ALMS1: variants seen among roughly 807,000 people sequenced by gnomAD.
The protein encoded by ALMS1 is centrosome-associated protein ALMS1.
In ALMS1, 271 loss-of-function variants were observed where a neutral mutation model predicts 352.2. The observed-to-expected ratio is 0.77, with a 90% CI of 0.70 to 0.85. The LOEUF (loss-of-function observed/expected upper bound fraction) is 0.85, where lower values mean the gene tolerates loss of function less well. Ranked by LOEUF, ALMS1 falls within the 40% of genes least tolerant of loss-of-function variation. ALMS1 has a pLI of 0.00. For synonymous variants in ALMS1, 1,865 were observed against 1,761.2 expected (o/e 1.06, Z -1.48); for missense variants, 5,445 against 4,870.7 (o/e 1.12, Z -3.51).
intron 2 of ALMS1, among the ~76,000 whole-genome samples, chr2:73,417,961 G>A (rs1881244): frequency 0.26 from 39,452 of 152,162 alleles, 11,523 homozygotes; most frequent in African/African-American, 0.72. Flanking sequence ...CTGTCAAGAG[G>A]TAAGTATAGA....
chr2:73,479,403 C>A (rs1392504118), intron 9 of ALMS1, among the ~76,000 whole-genome samples: 3 of 152,160 alleles, frequency 2.0e-5, no homozygotes, highest in Non-Finnish European at 4.4e-5. Flanking sequence ...GAGCTCCTGG[C>A]AACCACTAAT....
At chr2:73,519,469 T>A (rs1673627022) in intron 10 of ALMS1, among the ~76,000 whole-genome samples, 1 of 152,210 alleles carries the variant, frequency 6.6e-6, no homozygotes, top group Non-Finnish European at 1.5e-5. Flanking sequence ...ATGGTGGACA[T>A]CTAGTAATTT....
intron 12 of ALMS1, among the ~76,000 whole-genome samples, chr2:73,549,749 G>T (rs781462079): frequency 2.0e-5 from 3 of 152,060 alleles, no homozygotes; most frequent in Non-Finnish European, 2.9e-5. Flanking sequence ...TTGCATCTCT[G>T]CCTTGTATTA....
chr2:73,592,795 G>A (rs1675460268), intron 16 of ALMS1, among the ~76,000 whole-genome samples: 1 of 152,054 alleles, frequency 6.6e-6, no homozygotes, highest in Admixed American at 6.6e-5. Context: ...AATAAATACG[G>A]GAATGAGTCT....
intron 7 of ALMS1, among the ~76,000 whole-genome samples, chr2:73,445,640 G>A (rs1671797247): frequency 5.8e-5 from 2 of 34,586 alleles, no homozygotes; most frequent in Admixed American, 4.5e-4. Context: ...TGCTGTCTTC[G>A]TCACCTAGGA....
chr2:73,597,515 G>T (rs1183370003), intron 16 of ALMS1, among the ~76,000 whole-genome samples: 1 of 152,108 alleles, frequency 6.6e-6, no homozygotes, highest in Non-Finnish European at 1.5e-5. Context: ...AAGGTATAAT[G>T]TATTTCATAT....
intron 11 of ALMS1, among the ~76,000 whole-genome samples, chr2:73,520,661 G>A (rs1673657536): frequency 6.6e-6 from 1 of 152,122 alleles, no homozygotes; most frequent in Non-Finnish European, 1.5e-5. Flanking sequence ...CTTTCCACTG[G>A]CCAGGAATGT....
intron 9 of ALMS1, chr2:73,469,785 C>T (rs933385768): frequency 2.0e-5 from 3 of 151,484 alleles, no homozygotes; most frequent in South Asian, 2.1e-4. Context: ...GGAAAATGTT[C>T]GACAATTGTT....
At chr2:73,557,156 G>T (rs1674563629) in intron 13 of ALMS1, 64 bp from the exon 14 acceptor site, 2 of 1,605,270 alleles carry the variant, frequency 1.2e-6, no homozygotes, top group Non-Finnish European at 1.7e-6. Context: ...TGTGGGGGAG[G>T]ATTACTTGTC....
chr2:73,582,678 A>G (rs1159079886), intron 16 of ALMS1, among the ~76,000 whole-genome samples: 1 of 152,246 alleles, frequency 6.6e-6, no homozygotes, highest in Non-Finnish European at 1.5e-5. Flanking sequence ...AGATTCATCC[A>G]TATAATCCAT....
chr2:73,503,513 G>A (rs558698732), intron 10 of ALMS1, among the ~76,000 whole-genome samples: 2 of 152,098 alleles, frequency 1.3e-5, no homozygotes, highest in Non-Finnish European at 2.9e-5. Context: ...GGACATTTGG[G>A]TTGGTTCCAA....
chr2:73,389,664 T>A (rs1425963912), intron 1 of ALMS1, among the ~76,000 whole-genome samples: 2 of 152,030 alleles, frequency 1.3e-5, no homozygotes, highest in Admixed American at 6.6e-5. Flanking sequence ...TGTGAGAAAA[T>A]TATTTTCCTG....
At chr2:73,462,378 A>C (rs1672223946) in intron 9 of ALMS1, among the ~76,000 whole-genome samples, 1 of 152,226 alleles carries the variant, frequency 6.6e-6, no homozygotes, top group East Asian at 1.9e-4. Flanking sequence ...TGAAGGAGAA[A>C]TAAAATCCTT....
intron 9 of ALMS1, among the ~76,000 whole-genome samples, chr2:73,461,269 T>A (rs942523091): frequency 1.3e-5 from 2 of 152,182 alleles, no homozygotes; most frequent in African/African-American, 4.8e-5. Context: ...GCAGCAGCAT[T>A]TGCGGTTCAC....
chr2:73,557,289 G>A lies in ALMS1; in HGVS notation c.10148G>A (p.Ser3383Asn), dbSNP rs1553416873. 10 of 1,614,042 alleles carry A rather than the reference G, an allele frequency of 6.2e-6. No individual in the cohort carries two copies. The highest frequency in any genetic ancestry group is 8.5e-6 in the Non-Finnish European group (10 of 1,180,026). The change falls in exon 14 of 23, where the codon AGT (serine) becomes AAT (asparagine). Residue 3383 changes from serine to asparagine, a missense_variant. Transcript: ENST00000613296. ...GACAAAAAACAGCAAGAGATTCACA[G>A]TACAAGGGCAGTGACTGAGGCTGCC... ...LSDKKQQEIH[S>N]TRAVTEAAQA... is the part of the protein sequence containing the mutation.
At chr2:73,520,351 G>A (rs1306615145) in intron 11 of ALMS1, among the ~76,000 whole-genome samples, 1 of 152,100 alleles carries the variant, frequency 6.6e-6, no homozygotes, top group Non-Finnish European at 1.5e-5. Context: ...AAATTATCTT[G>A]TATTACAGTA....
At chr2:73,542,190 C>G (rs970584995) in intron 12 of ALMS1, among the ~76,000 whole-genome samples, 1 of 152,122 alleles carries the variant, frequency 6.6e-6, no homozygotes, top group African/African-American at 2.4e-5. Context: ...GGGCTTCATC[C>G]CTGGGATGCA....
intron 2 of ALMS1, among the ~76,000 whole-genome samples, chr2:73,411,076 T>C (rs1247792104): frequency 6.6e-6 from 1 of 152,030 alleles, no homozygotes; most frequent in Non-Finnish European, 1.5e-5. Flanking sequence ...TAATCCCCAA[T>C]ACCTCAGAAT....
At position 73,452,495 on chromosome 2, in the gene ALMS1, C is replaced by T. The variant is rs746542955; in HGVS notation, c.5968C>T (p.His1990Tyr). The T allele has an allele frequency of 6.2e-6, 10 of 1,614,090 alleles. No homozygotes were observed. Among genetic ancestry groups the T allele is most frequent in the Non-Finnish European group, 7.6e-6 (9 of 1,179,998 alleles). Residue 1990 changes from histidine to tyrosine, a missense_variant, in exon 8 of 23, where the codon CAT becomes TAT. Coordinates refer to ENST00000613296, the MANE Select transcript of ALMS1 (RefSeq NM_001378454.1). ...IPIGLSSSYS[H>Y]SHKEKLKIST... ...AATAGGACTGTCTAGTTCCTACTCA[C>T]ATTCACATAAAGAGAAACTCAAGAT...
Sources: gnomAD v4.1 joint callset for allele counts (sites outside exome capture counted in the v4.1 genomes callset) on GRCh38, gnomAD v4.1.1 for gene constraint, MANE v1.5 for transcripts, NCBI Gene and HGNC (gene_info 2026-07-23, HGNC 2026-07-21) for gene names.